CACNB4: variants seen among roughly 807,000 people sequenced by gnomAD.
CACNB4 encodes the protein voltage-dependent L-type calcium channel subunit beta-4.
Under a neutral mutation model 71.2 loss-of-function variants are expected in CACNB4, and 32 were observed. The ratio of observed to expected loss-of-function variants is 0.45; its 90% confidence interval spans 0.34 to 0.60. CACNB4 has a LOEUF of 0.60. Among genes scored for constraint, CACNB4 ranks in the 20% least tolerant of loss-of-function variants. The pLI, the probability that CACNB4 is intolerant of heterozygous loss-of-function variation, is 0.01. For synonymous variants in CACNB4, 231 were observed against 236.9 expected, an observed-to-expected ratio of 0.97 and a Z score of 0.23; for missense variants, 464 against 647.9, an observed-to-expected ratio of 0.72 and a Z score of 3.08.
upstream of CACNB4, chr2:152,099,115 C>A: frequency 1.5e-6 from 1 of 676,784 alleles, no homozygotes; most frequent in Non-Finnish European, 2.4e-6. Flanking sequence ...CTTCCCCACC[C>A]GGCTCCAGGA....
intron 2 of CACNB4, among the ~76,000 whole-genome samples, chr2:151,949,416 T>G (rs1038244776): frequency 2.0e-5 from 3 of 152,056 alleles, no homozygotes; most frequent in Non-Finnish European, 4.4e-5. Flanking sequence ...AAGTTCAGAC[T>G]AGGGAATTAT....
intron 12 of CACNB4, chr2:151,850,923 G>A (rs16830417): frequency 2.0e-5 from 3 of 152,060 alleles, no homozygotes; most frequent in African/African-American, 7.3e-5. Flanking sequence ...GTCCCCTTTT[G>A]CTTCAACAGT....
chr2:151,840,166 A>C (rs1054036022), intron 13 of CACNB4, among the ~76,000 whole-genome samples: 1 of 152,236 alleles, frequency 6.6e-6, no homozygotes, highest in African/African-American at 2.4e-5. Context: ...AGGTCACATC[A>C]GTTAAGGCAC....
At chr2:151,946,150 G>A (rs1173785921) in intron 2 of CACNB4, among the ~76,000 whole-genome samples, 3 of 151,992 alleles carry the variant, frequency 2.0e-5, no homozygotes, top group Non-Finnish European at 2.9e-5. Flanking sequence ...CCAACATGGC[G>A]AAACCCTGTC....
intron 2 of CACNB4, among the ~76,000 whole-genome samples, chr2:152,002,148 A>T (rs1209616996): frequency 2.0e-5 from 3 of 152,166 alleles, no homozygotes; most frequent in African/African-American, 7.2e-5. Context: ...GTCCCAGGAG[A>T]TTTTAAAACA....
intron 2 of CACNB4, among the ~76,000 whole-genome samples, chr2:152,084,029 G>A (rs1474974705): frequency 6.6e-6 from 1 of 152,200 alleles, no homozygotes; most frequent in Non-Finnish European, 1.5e-5. Context: ...AAATTACTGT[G>A]AGTATGGCGT....
chr2:151,995,033 T>C (rs1463547882), intron 2 of CACNB4, among the ~76,000 whole-genome samples: 1 of 152,166 alleles, frequency 6.6e-6, no homozygotes, highest in Non-Finnish European at 1.5e-5. Context: ...AGGAATTAAA[T>C]AAATTTGCAG....
chr2:151,905,561 A>C (rs2099854584), intron 2 of CACNB4, among the ~76,000 whole-genome samples: 1 of 152,232 alleles, frequency 6.6e-6, no homozygotes, highest in South Asian at 2.1e-4. Flanking sequence ...ATAGCCACAA[A>C]TGTATTTTGT....
At chr2:152,026,293 T>C (rs971629551) in intron 2 of CACNB4, among the ~76,000 whole-genome samples, 7 of 152,138 alleles carry the variant, frequency 4.6e-5, no homozygotes, top group African/African-American at 1.7e-4. Context: ...CGTCTTCCTT[T>C]CCACTGGACT....
chr2:151,840,948 G>C (rs1205678646), intron 13 of CACNB4, among the ~76,000 whole-genome samples: 1 of 152,154 alleles, frequency 6.6e-6, no homozygotes, highest in Non-Finnish European at 1.5e-5. Context: ...TGTACCATAA[G>C]GTCTCTGGTT....
chr2:151,899,634 C>T (rs567656405), intron 2 of CACNB4, among the ~76,000 whole-genome samples: 6 of 152,264 alleles, frequency 3.9e-5, no homozygotes, highest in South Asian at 4.1e-4. Context: ...TTCAGGTGGT[C>T]GTATGTGAAC....
intron 2 of CACNB4, among the ~76,000 whole-genome samples, chr2:151,975,615 T>A (rs184541962): frequency 6.6e-6 from 1 of 152,246 alleles, no homozygotes; most frequent in Admixed American, 6.5e-5. Context: ...AGGATGCATG[T>A]TGGAGAAAGT....
intron 2 of CACNB4, among the ~76,000 whole-genome samples, chr2:151,906,594 G>C (rs1447172286): frequency 1.3e-5 from 2 of 152,170 alleles, no homozygotes; most frequent in Non-Finnish European, 2.9e-5. Context: ...ATAAAGGTGA[G>C]ATGAAACTCT....
intron 2 of CACNB4, among the ~76,000 whole-genome samples, chr2:152,044,770 C>T (rs1194134258): frequency 6.6e-6 from 1 of 152,170 alleles, no homozygotes; most frequent in Non-Finnish European, 1.5e-5. Context: ...ATGAGCCTGG[C>T]CACCATGGCA....
At chr2:151,887,934 T>C (rs2099849775) in intron 2 of CACNB4, among the ~76,000 whole-genome samples, 1 of 151,828 alleles carries the variant, frequency 6.6e-6, no homozygotes, top group Non-Finnish European at 1.5e-5. Flanking sequence ...GTTTTAGGAT[T>C]TATATATTGT....
intron 10 of CACNB4, chr2:151,857,818 C>G (rs1258731970): frequency 6.6e-6 from 1 of 152,228 alleles, no homozygotes; most frequent in Non-Finnish European, 1.5e-5. Context: ...ATTTACTCTG[C>G]ACCAGCAATG....
chr2:152,095,923 G>A (rs1371060735), intron 2 of CACNB4, among the ~76,000 whole-genome samples: 1 of 152,154 alleles, frequency 6.6e-6, no homozygotes, highest in African/African-American at 2.4e-5. Flanking sequence ...AAAGTGCTGG[G>A]ATTACAGGCG....
chr2:151,951,313 C>T (rs1322907750), intron 2 of CACNB4, among the ~76,000 whole-genome samples: 1 of 151,882 alleles, frequency 6.6e-6, no homozygotes, highest in African/African-American at 2.4e-5. Context: ...AACTAATAAC[C>T]AAATGTCACC....
chr2:152,008,584 G>T (rs919000277), intron 2 of CACNB4, among the ~76,000 whole-genome samples: 1 of 152,162 alleles, frequency 6.6e-6, no homozygotes, highest in Non-Finnish European at 1.5e-5. Flanking sequence ...ACAAGCATGA[G>T]CCACCATGCC....
Sources: allele counts gnomAD v4.1 joint callset (sites outside exome capture counted in the v4.1 genomes callset), GRCh38; gene constraint gnomAD v4.1.1; transcripts MANE v1.5; gene names NCBI Gene and HGNC (gene_info 2026-07-23, HGNC 2026-07-21).